Variants in PAPSS1 observed in about 807,000 individuals in gnomAD.
PAPSS1 encodes the protein bifunctional 3'-phosphoadenosine 5'-phosphosulfate synthase 1.
A neutral mutation model predicts 72.0 loss-of-function variants in PAPSS1; 50 were observed. The observed-to-expected ratio is 0.69, with a 90% CI of 0.55 to 0.88. The LOEUF (loss-of-function observed/expected upper bound fraction) is 0.88, where lower values mean the gene tolerates loss of function less well. Among genes scored for constraint, PAPSS1 ranks in the 40% least tolerant of loss-of-function variants. The probability of loss-of-function intolerance (pLI) is 0.00; values close to 1 mark genes in which losing one functional copy is unlikely to be tolerated. For missense variants in PAPSS1, 657 were observed against 782.2 expected (o/e 0.84, Z 1.91); for synonymous variants, 261 against 263.6 (o/e 0.99, Z 0.09).
At position 107,720,163 on chromosome 4, in the gene PAPSS1, C is replaced by G; in HGVS notation, c.17G>C (p.Ser6Thr). 2 of 1,604,562 alleles carry G rather than the reference C, an allele frequency of 1.2e-6. No individual in the cohort carries two copies. Among genetic ancestry groups the G allele is most frequent in the East Asian group, 2.3e-5 (1 of 43,706 alleles). Residue 6 changes from serine (S) to threonine (T), a missense_variant, in exon 1 of 12, where the codon AGC becomes ACC. By Grantham distance (58) the Ser-to-Thr change is moderately conservative (BLOSUM62 1). Around this residue, in one of 7 missense-constraint regions of PAPSS1, gnomAD observed 48 missense variants for 31.9 expected, o/e 1.51. Transcript: ENST00000265174. MEIPG[S>T]LCKKVKLSNN... ...GCTCAGTTTGACTTTCTTGCACAGG[C>G]TCCCGGGGATCTCCATGACCGCGGA...
chr4:107,620,843 G>T (rs1330419854), intron 11 of PAPSS1, among the ~76,000 whole-genome samples: 1 of 151,978 alleles, frequency 6.6e-6, no homozygotes, highest in African/African-American at 2.4e-5. Context: ...TAAAGGGGCA[G>T]AAAAGAAAAA....
chr4:107,690,480 A>G (rs1560586514), intron 3 of PAPSS1, among the ~76,000 whole-genome samples: 1 of 152,278 alleles, frequency 6.6e-6, no homozygotes, highest in Middle Eastern at 3.4e-3. Context: ...CACCTTTCAC[A>G]TATATGTACT....
chr4:107,714,310 T>C (rs547774401), intron 1 of PAPSS1, among the ~76,000 whole-genome samples: 3 of 152,298 alleles, frequency 2.0e-5, no homozygotes, highest in African/African-American at 7.2e-5. Context: ...CTTACTGTAT[T>C]TGGAACTGAG....
chr4:107,688,373 G>T (rs1435747280), intron 3 of PAPSS1, among the ~76,000 whole-genome samples: 3 of 152,072 alleles, frequency 2.0e-5, no homozygotes, highest in Admixed American at 6.6e-5. Flanking sequence ...TGAGCCCAGG[G>T]GTTCCAGGCT....
At chr4:107,667,329 TG>T (rs1475550842) in intron 5 of PAPSS1, among the ~76,000 whole-genome samples, 6 of 152,154 alleles carry the variant, frequency 3.9e-5, no homozygotes. Flanking sequence ...TATAAGAAAC[TG>T]GAAGTAGCAA....
intron 9 of PAPSS1, among the ~76,000 whole-genome samples, chr4:107,648,534 C>G (rs1425357413): frequency 6.6e-6 from 1 of 152,190 alleles, no homozygotes; most frequent in African/African-American, 2.4e-5. Context: ...AGTATCCACC[C>G]CAACCACTGA....
intron 1 of PAPSS1, among the ~76,000 whole-genome samples, chr4:107,710,973 C>A (rs942395740): frequency 3.9e-5 from 6 of 152,238 alleles, no homozygotes; most frequent in African/African-American, 1.4e-4. Context: ...TGTAAACTCG[C>A]TGAGTCATTC....
chr4:107,696,693 T>C (rs1723072256), intron 2 of PAPSS1, among the ~76,000 whole-genome samples: 1 of 151,814 alleles, frequency 6.6e-6, no homozygotes, highest in Admixed American at 6.6e-5. Context: ...GCCACAAGCA[T>C]GTAACAAACT....
rs750772776 is a variant in PAPSS1 at position 107,693,772 on chromosome 4, T to C, written c.410A>G (p.Gln137Arg). 3.1e-6 allele frequency: 5 copies of C among 1,607,922 alleles called. No homozygotes were observed. The Admixed American group carries it at 8.3e-5, about 27-fold the overall frequency. Residue 137 changes from glutamine (Q) to arginine (R), a missense_variant and splice_region_variant, in exon 3 of 12, where the codon CAG becomes CGG. By Grantham distance (43) the Gln-to-Arg change is conservative. Coordinates refer to ENST00000265174, the MANE Select transcript of PAPSS1 (RefSeq NM_005443.5). ...GGCAATGGCACAAAAACCACATACC[T>C]GAGTGTAAGGTGATATGAAACTTGT... ...CITSFISPYT[Q>R]DRNNARQIHE...
intron 6 of PAPSS1, among the ~76,000 whole-genome samples, chr4:107,658,405 A>G (rs191906094): frequency 6.6e-6 from 1 of 151,990 alleles, no homozygotes; most frequent in East Asian, 1.9e-4. Flanking sequence ...TTTTCCAAGA[A>G]AAGTCTCTTA....
chr4:107,691,789 T>C (rs1722929256), intron 3 of PAPSS1, among the ~76,000 whole-genome samples: 1 of 152,200 alleles, frequency 6.6e-6, no homozygotes, highest in African/African-American at 2.4e-5. Context: ...CTCTAGCAGT[T>C]ACCAGAACAC....
chr4:107,631,663 T>C lies in PAPSS1; in HGVS notation c.1704A>G (p.Lys568=). The C allele has an allele frequency of 6.2e-7, 1 of 1,614,094 alleles. No homozygotes were observed. The highest frequency in any genetic ancestry group is 1.1e-5 in the South Asian group (1 of 91,086). The change falls in exon 11 of 12, where the codon AAA becomes AAG. Residue 568 remains lysine (K), a synonymous_variant. Transcript: ENST00000265174. The stretch of plus-strand genomic sequence containing the variant: ...AGTCATAGTAGTCCATACGCTTCTT[T>C]TTCTTGTTGTAAGCTGCAACTCGAA... ...VPFRVAAYNK[K]KKRMDYYDSE...
chr4:107,656,770 C>G (rs896533353), intron 7 of PAPSS1, 126 bp downstream of exon 7: 7 of 675,392 alleles, frequency 1.0e-5, no homozygotes, highest in Non-Finnish European at 1.8e-5. Flanking sequence ...ACTGATATAA[C>G]TTAGTCTTAT....
chr4:107,690,383 G>C (rs1722885514), intron 3 of PAPSS1, among the ~76,000 whole-genome samples: 1 of 152,078 alleles, frequency 6.6e-6, no homozygotes, highest in African/African-American at 2.4e-5. Context: ...GTCTGAAACA[G>C]TTTTCTCCCT....
intron 1 of PAPSS1, 46 bp from the exon 2 acceptor site, chr4:107,701,331 A>G (rs1171676290): frequency 8.3e-7 from 1 of 1,205,610 alleles, no homozygotes; most frequent in South Asian, 1.3e-5. Flanking sequence ...TGAGTCCTTT[A>G]AAAGGCAAAC....
intron 5 of PAPSS1, among the ~76,000 whole-genome samples, chr4:107,672,887 A>C (rs1158145564): frequency 6.6e-6 from 1 of 152,232 alleles, no homozygotes; most frequent in Admixed American, 6.5e-5. Flanking sequence ...ATCAGGCAGC[A>C]ACATTTACTG....
At position 107,720,173 on chromosome 4, in the gene PAPSS1, T is replaced by G; in HGVS notation, c.7A>C (p.Ile3Leu). The G allele has an allele frequency of 1.9e-6, 3 of 1,602,662 alleles. No individual in the cohort carries two copies. Among genetic ancestry groups the G allele is most frequent in the African/African-American group, 2.7e-5 (2 of 73,626 alleles). The change falls in exon 1 of 12, where the codon ATC becomes CTC. Residue 3 changes from isoleucine (I) to leucine (L), a missense_variant. By Grantham distance (5) the Ile-to-Leu change is conservative (BLOSUM62 2). Around this residue, in one of 7 missense-constraint regions of PAPSS1, gnomAD observed 48 missense variants for 31.9 expected, o/e 1.51. Coordinates refer to ENST00000265174, the MANE Select transcript of PAPSS1 (RefSeq NM_005443.5). The part of the protein sequence containing the change: ME[I>L]PGSLCKKVKL... ...ACTTTCTTGCACAGGCTCCCGGGGA[T>G]CTCCATGACCGCGGAGCGCGCTGAG...
Position 107,631,788 on chromosome 4 carries a change from T to A in PAPSS1, c.1579A>T (p.Met527Leu), listed in dbSNP as rs1190143005. 6.2e-7 allele frequency: 1 copy of A among 1,614,136 alleles called. No homozygotes were observed. The highest frequency in any genetic ancestry group is 8.5e-7 in the Non-Finnish European group (1 of 1,180,012). ...TCCTTCCCTGTTTCTGGATGAGGCATGCCAGCAGGGTCTCGTCCAACAATG... is the reference window on the plus strand; with the variant it reads ...TCCTTCCCTGTTTCTGGATGAGGCAAGCCAGCAGGGTCTCGTCCAACAATG... Reference protein sequence around the residue: ...FYIVGRDPAGMPHPETGKDLY... With the variant: ...FYIVGRDPAGLPHPETGKDLY... The change falls in exon 11 of 12, where the codon ATG (methionine) becomes TTG (leucine). Residue 527 changes from methionine to leucine, a missense_variant. Met to Leu is a conservative substitution (Grantham distance 15). Coordinates refer to ENST00000265174, the MANE Select transcript of PAPSS1 (RefSeq NM_005443.5).
intron 6 of PAPSS1, among the ~76,000 whole-genome samples, chr4:107,658,477 G>C (rs1422033905): frequency 6.6e-6 from 1 of 152,000 alleles, no homozygotes; most frequent in African/African-American, 2.4e-5. Context: ...GAGATTTCTA[G>C]CATATCCCAT....
Sources: gnomAD v4.1 joint callset for allele counts (sites outside exome capture counted in the v4.1 genomes callset) on GRCh38, gnomAD v4.1.1 for gene constraint, gnomAD v4.1.1 regional missense constraint, MANE v1.5 for transcripts, NCBI Gene and HGNC (gene_info 2026-07-23, HGNC 2026-07-21) for gene names.